The following SHISAL2A variants were observed in gnomAD, a reference collection of about 807,000 sequenced individuals.
The protein encoded by SHISAL2A is shisa like 2A.
SHISAL2A carries 18 observed loss-of-function variants against 11.5 expected under a neutral mutation model. The observed-to-expected ratio is 1.57, with a 90% CI of 1.08 to 2.33. SHISAL2A has a LOEUF of 2.33. Among genes scored for constraint, SHISAL2A ranks in the 30% most tolerant of loss-of-function variants. The probability of loss-of-function intolerance (pLI) is 0.00; values close to 1 mark genes in which losing one functional copy is unlikely to be tolerated. For missense variants in SHISAL2A, 261 were observed against 250.9 expected, an observed-to-expected ratio of 1.04 and a Z score of -0.27; for synonymous variants, 94 against 99.6, an observed-to-expected ratio of 0.94 and a Z score of 0.34.
At chr1:52,637,087 C>T (rs944021084) in intron 1 of SHISAL2A, among the ~76,000 whole-genome samples, 5 of 152,302 alleles carry the variant, frequency 3.3e-5, no homozygotes, top group African/African-American at 1.2e-4. Flanking sequence ...GTGGCTCAGA[C>T]AATGCTTTCT....
Position 52,649,477 on chromosome 1 carries a change from A to G in SHISAL2A, c.322+6475A>G, listed in dbSNP as rs574097708. ...GTGGGGAGTGCCTTGGCAAGAGCAG[A>G]GTGTAAATGGAAAAGCAGTTTCTGA... On this transcript the variant is annotated intron_variant, in intron 2 of 2. Transcript: ENST00000517870. Among the ~76,000 whole-genome samples the G allele has an allele frequency of 3.3e-5, 5 of 152,288 alleles. No homozygotes were observed. The East Asian group carries it at 9.6e-4, about 29-fold the overall frequency.
rs1301507845 is a variant in SHISAL2A, at chr1:52,633,681, G to T, written c.182+6G>T. 3 of 1,597,318 alleles carry T rather than the reference G, an allele frequency of 1.9e-6. No individual in the cohort carries two copies. Among genetic ancestry groups the T allele is most frequent in the South Asian group, 2.2e-5 (2 of 89,428 alleles). On this transcript the variant is annotated splice_donor_region_variant and intron_variant, in intron 1 of 2. Coordinates refer to ENST00000517870, the MANE Select transcript of SHISAL2A (RefSeq NM_001042693.3). This position sits in a 1 kb window ranked among gnomAD's most constrained non-coding sequence, Gnocchi z 6.4. ...AGCTACATGTGGTGGCTCAGGTACC[G>T]TCCCTGGCCCTCACCCTACCTTGAA...
chr1:52,662,444 A>C (rs1691925435), intron 4 of SHISAL2A, among the ~76,000 whole-genome samples: 1 of 151,792 alleles, frequency 6.6e-6, no homozygotes, highest in African/African-American at 2.4e-5. Context: ...TCCCGGGTTC[A>C]AGTGATTCTC....
chr1:52,652,965 C>CA (rs36154490), intron 2 of SHISAL2A, among the ~76,000 whole-genome samples: 1,049 of 22,378 alleles, frequency 0.047, 273 homozygotes, highest in Middle Eastern at 0.21. Flanking sequence ...GACTCTGTCT[C>CA]AAAAAAAAAA....
intron 4 of SHISAL2A, among the ~76,000 whole-genome samples, chr1:52,665,907 A>T (rs1338273530): frequency 2.6e-5 from 4 of 152,164 alleles, no homozygotes; most frequent in Non-Finnish European, 5.9e-5. Flanking sequence ...TGCTTCATAA[A>T]ATGTAGCAGC....
intron 2 of SHISAL2A, among the ~76,000 whole-genome samples, chr1:52,647,951 G>A (rs1691538445): frequency 6.6e-6 from 1 of 150,748 alleles, no homozygotes; most frequent in Admixed American, 6.6e-5. Context: ...AGGTTGGAAG[G>A]TTGGGATGGG....
intron 4 of SHISAL2A, among the ~76,000 whole-genome samples, chr1:52,665,607 C>T (rs940109530): frequency 2.6e-5 from 4 of 152,200 alleles, no homozygotes; most frequent in Non-Finnish European, 4.4e-5. Flanking sequence ...AATTAAGCCA[C>T]TTTGCCAACA....
downstream of SHISAL2A, among the ~76,000 whole-genome samples, chr1:52,660,833 A>T (rs963361956): frequency 3.3e-5 from 5 of 152,212 alleles, no homozygotes; most frequent in Non-Finnish European, 7.3e-5. Context: ...TCTTGGCTAA[A>T]TGAGGTCCCG....
Position 52,633,357 on chromosome 1 carries a change from C to A in SHISAL2A, c.-137C>A, listed in dbSNP as rs545955386. The A allele has an allele frequency of 2.5e-6, 2 of 796,306 alleles. No homozygotes were observed. Among genetic ancestry groups the A allele is most frequent in the East Asian group, 6.8e-5 (2 of 29,600 alleles). The allele number at this position is 796,306 out of a possible 1,614,324, so 49.3% of individuals were successfully genotyped here. On this transcript the variant is annotated 5_prime_UTR_variant, in exon 1 of 3. Transcript: ENST00000517870. This position sits in a 1 kb window ranked among gnomAD's most constrained non-coding sequence, Gnocchi z 6.4. ...CCCCGCGCTGCTGTCTCTGTCTCGG[C>A]TTCTCTCGGCCCCTGGGTCTCTTCG...
At chr1:52,660,529 C>T (rs548141326), downstream of SHISAL2A, among the ~76,000 whole-genome samples, 17 of 152,270 alleles carry the variant, frequency 1.1e-4, no homozygotes, top group African/African-American at 4.1e-4. Flanking sequence ...AAGCACACAT[C>T]GACCGGCAAT....
At chr1:52,647,391 G>A (rs893668091) in intron 2 of SHISAL2A, among the ~76,000 whole-genome samples, 10 of 152,104 alleles carry the variant, frequency 6.6e-5, no homozygotes, top group East Asian at 1.9e-4. Context: ...TATAACTACC[G>A]TGAATAATGA....
At position 52,668,179 on chromosome 1, in the gene SHISAL2A, T is replaced by C. The variant is rs377266839; in HGVS notation, n.877-389T>C. 7.9e-4 allele frequency among the ~76,000 whole-genome samples: 121 copies of C among 152,298 alleles called. 1 individual carries two copies. The highest frequency in any genetic ancestry group is 2.7e-3 in the African/African-American group (114 of 41,572). ...TGCAGTTATCCTCTCCTGGTTGGAA[T>C]TGATTGCAACATACTTCAATTTGTG... On this transcript the variant is annotated intron_variant and non_coding_transcript_variant, in intron 5 of 5. Transcript: ENST00000401050.
intron 4 of SHISAL2A, among the ~76,000 whole-genome samples, chr1:52,664,385 T>C (rs1052951958): frequency 1.3e-5 from 2 of 151,354 alleles, no homozygotes; most frequent in African/African-American, 4.9e-5. Flanking sequence ...AACCGAGTTT[T>C]GCTCTTGTTG....
At chr1:52,635,712 T>C (rs1691223535) in intron 1 of SHISAL2A, among the ~76,000 whole-genome samples, 1 of 152,174 alleles carries the variant, frequency 6.6e-6, no homozygotes, top group South Asian at 2.1e-4. Context: ...AATTCTAACC[T>C]TGTGGTTAAT....
At chr1:52,667,020 C>T (rs570418600) in intron 4 of SHISAL2A, among the ~76,000 whole-genome samples, 2 of 152,350 alleles carry the variant, frequency 1.3e-5, no homozygotes, top group South Asian at 4.1e-4. Context: ...CTTGGCCAAT[C>T]ACAAGCCCAC....
At position 52,656,860 on chromosome 1, in the gene SHISAL2A, C is replaced by T. The variant is rs764538952; in HGVS notation, c.393C>T (p.Ser131=). The change falls in exon 3 of 3, where the codon AGC becomes AGT. Residue 131 remains serine, a synonymous_variant. Transcript: ENST00000517870. ...TGMAAEVPKV[S]PLQQSYSCLN... ...TGGCGGCAGAAGTGCCAAAAGTGAGCCCTCTCCAGCAGAGTTACTCCTGCT... is the reference window on the plus strand; with the variant it reads ...TGGCGGCAGAAGTGCCAAAAGTGAGTCCTCTCCAGCAGAGTTACTCCTGCT... The T allele has an allele frequency of 3.1e-6, 5 of 1,614,122 alleles. No homozygotes were observed. The highest frequency in any genetic ancestry group is 2.2e-5 in the East Asian group (1 of 44,880).
intron 2 of SHISAL2A, among the ~76,000 whole-genome samples, chr1:52,654,973 AG>A (rs1691758415): frequency 6.6e-6 from 1 of 152,186 alleles, no homozygotes; most frequent in South Asian, 2.1e-4. Context: ...ACTTGAGGTC[AG>A]GAGTTCAAGA....
intron 2 of SHISAL2A, 129 bp downstream of exon 2, chr1:52,643,131 A>C: frequency 2.3e-6 from 2 of 873,470 alleles, no homozygotes; most frequent in South Asian, 1.7e-5. Context: ...AAGCAGCGGC[A>C]CATTTTTCTG....
At chr1:52,645,045 A>T (rs1392591046) in intron 2 of SHISAL2A, among the ~76,000 whole-genome samples, 1 of 151,334 alleles carries the variant, frequency 6.6e-6, no homozygotes, top group Non-Finnish European at 1.5e-5. Context: ...GAAGAAGAAG[A>T]AGAAGTAAGG....
Sources: allele counts gnomAD v4.1 joint callset (sites outside exome capture counted in the v4.1 genomes callset), GRCh38; gene constraint gnomAD v4.1.1; non-coding constraint Gnocchi (gnomAD v3.1); transcripts MANE v1.5; gene names NCBI Gene and HGNC (gene_info 2026-07-23, HGNC 2026-07-21).